The following FOXRED2 variants were observed in gnomAD, a reference collection of about 807,000 sequenced individuals.
The protein encoded by FOXRED2 is FAD-dependent oxidoreductase domain-containing protein 2.
In FOXRED2, 32 loss-of-function variants were observed where a neutral mutation model predicts 52.5. The observed-to-expected ratio is 0.61, with a 90% CI of 0.46 to 0.82. FOXRED2 has a LOEUF of 0.82. FOXRED2 is among the 40% of genes least tolerant of loss of function. FOXRED2 has a pLI of 0.00. For synonymous variants in FOXRED2, 405 were observed against 398.1 expected (o/e 1.02, Z -0.21); for missense variants, 848 against 937.5 (o/e 0.90, Z 1.25).
In FOXRED2 at chr22:36,501,368, C is replaced by A. The variant is rs371530485; in HGVS notation, c.1089G>T (p.Lys363Asn). Residue 363 changes from lysine (K) to asparagine (N), a missense_variant, in exon 5 of 9, where the codon AAG (lysine) becomes AAT (asparagine). Lys to Asn is a moderately conservative substitution (Grantham distance 94, BLOSUM62 0). Transcript: ENST00000397224. ...RLNSGNAFGK[K>N]YPLIRASYES... is the part of the protein sequence containing the mutation. ...CGTAGCTAGCTCGAATCAGCGGGTA[C>A]TTCTTGCCGAATGCATTTCCCGAGT... 7.4e-6 allele frequency: 12 copies of A among 1,614,148 alleles called. No individual in the cohort carries two copies. Among genetic ancestry groups the A allele is most frequent in the Non-Finnish European group, 1.0e-5 (12 of 1,180,024 alleles).
rs780706407 is a variant in FOXRED2, at chr22:36,493,773, C to CA, written c.1654dup (p.Trp552LeufsTer128). 1.5e-5 allele frequency: 24 copies of CA among 1,614,088 alleles called. No individual in the cohort carries two copies. Among genetic ancestry groups the CA allele is most frequent in the Non-Finnish European group, 1.9e-5 (22 of 1,180,028 alleles). ...GATGGCCGTGGGCCGAGGCAGGGGC[C>CA]AGTGTGCAGGGCGGAACCTCACCTC... On this transcript the variant is annotated frameshift_variant, in exon 8 of 9. Transcript: ENST00000397224. LOFTEE classifies it high-confidence loss of function.
At chr22:36,492,522 G>A (rs1933781875) in intron 8 of FOXRED2, among the ~76,000 whole-genome samples, 1 of 152,170 alleles carries the variant, frequency 6.6e-6, no homozygotes, top group Admixed American at 6.5e-5. Flanking sequence ...TTTTGTTGTT[G>A]TTGGTTTTGA....
chr22:36,505,656 A>G (rs1163950931), intron 2 of FOXRED2, among the ~76,000 whole-genome samples: 1 of 152,136 alleles, frequency 6.6e-6, no homozygotes, highest in Non-Finnish European at 1.5e-5. Flanking sequence ...CTGTAATCCC[A>G]GCTACTGGGG....
rs1374397863 is a variant in FOXRED2 at position 36,504,675 on chromosome 22, C to T, written c.619G>A (p.Asp207Asn). Residue 207 changes from aspartate (D) to asparagine (N), a missense_variant, in exon 3 of 9, where the codon GAC becomes AAC. Physicochemically the swap from Asp to Asn is conservative, Grantham distance 23. Transcript: ENST00000397224. ...YAEGYESVSV[D>N]PEDFVGQNVL... ...TTCTGGCCTACAAAGTCCTCAGGGTCCACGGACACGGACTCGTAACCCTCT... is the reference window on the plus strand; with the variant it reads ...TTCTGGCCTACAAAGTCCTCAGGGTTCACGGACACGGACTCGTAACCCTCT... 4.3e-6 allele frequency: 7 copies of T among 1,614,070 alleles called. No individual in the cohort carries two copies. Among genetic ancestry groups the T allele is most frequent in the Middle Eastern group, 1.6e-4 (1 of 6,084 alleles).
chr22:36,503,461 C>G (rs1054293274), intron 4 of FOXRED2, among the ~76,000 whole-genome samples: 1 of 151,668 alleles, frequency 6.6e-6, no homozygotes, highest in Non-Finnish European at 1.5e-5. Flanking sequence ...AGGCACCCAC[C>G]ACCACGCTTG....
rs147480597 is a variant in FOXRED2 at position 36,490,770 on chromosome 22, C to T, written c.1796-503G>A. On this transcript the variant is annotated intron_variant, in intron 8 of 8. Coordinates refer to ENST00000397224, the MANE Select transcript of FOXRED2 (RefSeq NM_001102371.2). ...AAACAGTGTGGGGGATAAAGAAAAA[C>T]GGGTATATCCTCATCTGTCCCACAA... Among the ~76,000 whole-genome samples, 591 of 152,294 alleles carry T rather than the reference C, an allele frequency of 3.9e-3. 6 individuals carry two copies. The highest frequency in any genetic ancestry group is 0.013 in the African/African-American group (555 of 41,560).
At chr22:36,498,450 A>G in intron 5 of FOXRED2, 1 of 325,374 alleles carries the variant, frequency 3.1e-6, no homozygotes, top group East Asian at 5.3e-5. Context: ...AGCGGCCAAG[A>G]CAACAGGCAA....
Position 36,501,291 on chromosome 22 carries a change from A to G in FOXRED2, c.1166T>C (p.Val389Ala). The change falls in exon 5 of 9, where the codon GTG becomes GCG. Residue 389 changes from valine to alanine, a missense_variant. Transcript: ENST00000397224. ...GCCCCCAGCAGATTTCCGGTAGTCC[A>G]CCGAGTGGCTGGCAGTACCCAGGAT... ...LFILGTASHS[V>A]DYRKSAGGFI... 1 of 1,614,114 alleles carries G rather than the reference A, an allele frequency of 6.2e-7. No homozygotes were observed. The highest frequency in any genetic ancestry group is 1.1e-5 in the South Asian group (1 of 91,068).
chr22:36,506,580 G>T, intron 1 of FOXRED2, 157 bp from the exon 2 acceptor site: 1 of 669,312 alleles, frequency 1.5e-6, no homozygotes, highest in Non-Finnish European at 2.3e-6. Context: ...GGACTCCACC[G>T]TTTCAAGCTG....
At chr22:36,490,922 G>C (rs1410155356) in intron 8 of FOXRED2, among the ~76,000 whole-genome samples, 1 of 152,216 alleles carries the variant, frequency 6.6e-6, no homozygotes, top group Non-Finnish European at 1.5e-5. Flanking sequence ...CTGGGAGGCC[G>C]AGGCCGGTGG....
chr22:36,490,724 C>A (rs1933735148), intron 8 of FOXRED2, among the ~76,000 whole-genome samples: 1 of 152,200 alleles, frequency 6.6e-6, no homozygotes, highest in South Asian at 2.1e-4. Flanking sequence ...GTTGCAAATA[C>A]CATGTGCAAA....
intron 3 of FOXRED2, 54 bp from the exon 4 acceptor site, chr22:36,504,421 C>A (rs1934137228): frequency 6.2e-7 from 1 of 1,607,872 alleles, no homozygotes; most frequent in Admixed American, 1.7e-5. Flanking sequence ...CTGGGCAGTG[C>A]AGCTGGGGTC....
intron 8 of FOXRED2, among the ~76,000 whole-genome samples, 194 bp downstream of exon 8, chr22:36,493,438 CA>C (rs112901270): frequency 0.054 from 7,076 of 130,290 alleles, 166 homozygotes; most frequent in East Asian, 0.12. Flanking sequence ...GACTCCATCT[CA>C]AAAAAAAAAA....
At chr22:36,501,147 C>T (rs1285142594) in intron 5 of FOXRED2, 94 bp downstream of exon 5, 1 of 1,316,292 alleles carries the variant, frequency 7.6e-7, no homozygotes, top group African/African-American at 1.5e-5. Flanking sequence ...AAGCAATCCC[C>T]TAATGCTTCT....
In FOXRED2 at chr22:36,498,027, A is replaced by G. The variant is rs775640520; in HGVS notation, c.1346T>C (p.Met449Thr). The G allele has an allele frequency of 6.2e-7, 1 of 1,614,142 alleles. No homozygotes were observed. Among genetic ancestry groups the G allele is most frequent in the Non-Finnish European group, 8.5e-7 (1 of 1,180,030 alleles). ...RVNEASGLYQ[M>T]FGVLADVILL... ...GATGACATCGGCCAGCACACCGAAC[A>G]TCTGGTAGAGCCCAGAAGCCTCATT... The change falls in exon 6 of 9, where the codon ATG becomes ACG. Residue 449 changes from methionine to threonine, a missense_variant. By Grantham distance (81) the Met-to-Thr change is moderately conservative (BLOSUM62 -1). Transcript: ENST00000397224.
At position 36,489,697 on chromosome 22, in the gene FOXRED2, G is replaced by A. The variant is rs367598201; in HGVS notation, c.*311C>T. On this transcript the variant is annotated 3_prime_UTR_variant, in exon 9 of 9. Coordinates refer to ENST00000397224, the MANE Select transcript of FOXRED2 (RefSeq NM_001102371.2). ...GGGCTTGGAAGGAAGAGGAGCACTTGAGACGGGGCAGAACTGGGCTGGCCT... is the reference window on the plus strand; with the variant it reads ...GGGCTTGGAAGGAAGAGGAGCACTTAAGACGGGGCAGAACTGGGCTGGCCT... 543 of 280,370 alleles carry A rather than the reference G, an allele frequency of 1.9e-3. 3 individuals are homozygous for A. Among genetic ancestry groups the A allele is most frequent in the African/African-American group, 0.011 (513 of 45,916 alleles). 17.4% of individuals were successfully genotyped at this position (280,370 alleles called of 1,614,324 possible).
chr22:36,504,650 T>C lies in FOXRED2; in HGVS notation c.644A>G (p.Asn215Ser), dbSNP rs753580365. 2.5e-6 allele frequency: 4 copies of C among 1,614,066 alleles called. No individual in the cohort carries two copies. The highest frequency in any genetic ancestry group is 3.3e-5 in the Admixed American group (2 of 60,000). The change falls in exon 3 of 9, where the codon AAT becomes AGT. Residue 215 changes from asparagine (N) to serine (S), a missense_variant. Transcript: ENST00000397224. Reference sequence around the variant, plus strand: ...GTTCCCACGACCCAGGATCAGCACATTCTGGCCTACAAAGTCCTCAGGGTC... The same window carrying C: ...GTTCCCACGACCCAGGATCAGCACACTCTGGCCTACAAAGTCCTCAGGGTC... ...SVDPEDFVGQ[N>S]VLILGRGNSA... is the part of the protein sequence containing the mutation.
chr22:36,493,561 G>A (rs747422889), intron 8 of FOXRED2, 72 bp downstream of exon 8: 66 of 1,355,698 alleles, frequency 4.9e-5, no homozygotes, highest in Non-Finnish European at 6.0e-5. Flanking sequence ...GAAACTCCAC[G>A]GGTCTTGGGT....
At position 36,489,805 on chromosome 22, in the gene FOXRED2, T is replaced by C; in HGVS notation, c.*203A>G. On this transcript the variant is annotated 3_prime_UTR_variant, in exon 9 of 9. Transcript: ENST00000397224. ...TGGCAGAGGATGCCCTTCTGCCCCCTGACAGGAGGGAGGAGACCACCGCAT... is the reference window on the plus strand; with the variant it reads ...TGGCAGAGGATGCCCTTCTGCCCCCCGACAGGAGGGAGGAGACCACCGCAT... The C allele has an allele frequency of 2.0e-6, 1 of 498,312 alleles. No homozygotes were observed. The highest frequency in any genetic ancestry group is 3.7e-5 in the South Asian group (1 of 27,192). The allele number at this position is 498,312 out of a possible 1,614,324, so 30.9% of individuals were successfully genotyped here.
Sources: gnomAD v4.1 joint callset for allele counts (sites outside exome capture counted in the v4.1 genomes callset) on GRCh38, gnomAD v4.1.1 for gene constraint, MANE v1.5 for transcripts, NCBI Gene and HGNC (gene_info 2026-07-23, HGNC 2026-07-21) for gene names.